ATP6V1C2: variants seen among roughly 807,000 people sequenced by gnomAD.
The protein encoded by ATP6V1C2 is ATPase H+ transporting V1 subunit C2.
ATP6V1C2 carries 45 observed loss-of-function variants against 56.8 expected under a neutral mutation model. The observed-to-expected ratio is 0.79, with a 90% CI of 0.62 to 1.02. The LOEUF is 1.02. Ranked by LOEUF, ATP6V1C2 falls within the 50% of genes least tolerant of loss-of-function variation. The pLI, the probability that ATP6V1C2 is intolerant of heterozygous loss-of-function variation, is 0.00. For synonymous variants in ATP6V1C2, 220 were observed against 201.3 expected (o/e 1.09, Z -0.79); for missense variants, 463 against 519.7 (o/e 0.89, Z 1.06).
intron 3 of ATP6V1C2, among the ~76,000 whole-genome samples, chr2:10,752,474 G>A (rs1663277356): frequency 6.6e-6 from 1 of 152,196 alleles, no homozygotes; most frequent in Non-Finnish European, 1.5e-5. Context: ...AGGGCGGGGA[G>A]AATGTGGAGA....
chr2:10,782,507 C>T (rs1349370498), intron 13 of ATP6V1C2, 132 bp downstream of exon 13: 2 of 1,037,772 alleles, frequency 1.9e-6, no homozygotes, highest in Non-Finnish European at 2.7e-6. Context: ...TGAGACCAGC[C>T]TAGCCAACAT....
chr2:10,738,992 C>T (rs1308343434), intron 3 of ATP6V1C2, among the ~76,000 whole-genome samples: 2 of 152,200 alleles, frequency 1.3e-5, no homozygotes. Flanking sequence ...CAGTTGTCTC[C>T]CGTTTCCCTT....
intron 3 of ATP6V1C2, among the ~76,000 whole-genome samples, chr2:10,727,290 G>A (rs901734268): frequency 7.9e-5 from 12 of 151,316 alleles, no homozygotes; most frequent in African/African-American, 2.7e-4. Flanking sequence ...GGCTAGTTTC[G>A]AAGTCCTGAC....
Position 10,778,596 on chromosome 2 carries a change from G to A in ATP6V1C2, c.988G>A (p.Val330Met), listed in dbSNP as rs150788290. The change falls in exon 12 of 14, where the codon GTG becomes ATG. Residue 330 changes from valine (V) to methionine (M), a missense_variant. Coordinates refer to ENST00000272238, the MANE Select transcript of ATP6V1C2 (RefSeq NM_001039362.2). Reference protein sequence around the residue: ...GEGPLLRWLKVNFSEAFIAWI... With the variant: ...GEGPLLRWLKMNFSEAFIAWI... ...GGGCCCCCTGCTGCGCTGGCTCAAG[G>A]TGAACTTCAGTGAAGCCTTCATTGC... 566 of 1,614,214 alleles carry A rather than the reference G, an allele frequency of 3.5e-4. No individual in the cohort carries two copies. In the African/African-American group the frequency reaches 5.7e-3, roughly 16 times the overall value.
intron 3 of ATP6V1C2, among the ~76,000 whole-genome samples, chr2:10,739,461 G>C (rs1662430181): frequency 6.6e-6 from 1 of 151,740 alleles, no homozygotes; most frequent in Non-Finnish European, 1.5e-5. Flanking sequence ...TGACTAGCTG[G>C]TCAGGCCCCA....
intron 10 of ATP6V1C2, among the ~76,000 whole-genome samples, chr2:10,775,984 C>T (rs1007577765): frequency 1.3e-5 from 2 of 152,108 alleles, no homozygotes; most frequent in South Asian, 2.1e-4. Context: ...GCGCCGTGGC[C>T]GCGGGCAGGC....
Position 10,754,006 on chromosome 2 carries a change from G to A in ATP6V1C2, c.223G>A (p.Val75Met), listed in dbSNP as rs139030826. 8.6e-4 allele frequency: 1,377 copies of A among 1,607,888 alleles called. 8 individuals carry two copies. The African/African-American group carries it at 0.01, about 12-fold the overall frequency. ...CCTCATAAGGAGAATGGCTCAGAGC[G>A]TGGTGGAAGTCATGGAGGACTCAAA... is the stretch of plus-strand genomic sequence containing the variant. ...ESLIRRMAQS[V>M]VEVMEDSKGK... Residue 75 changes from valine to methionine, a missense_variant, in exon 4 of 14, where the codon GTG becomes ATG. Physicochemically the swap from Val to Met is conservative, Grantham distance 21. Coordinates refer to ENST00000272238, the MANE Select transcript of ATP6V1C2 (RefSeq NM_001039362.2).
chr2:10,784,630 T>C lies in ATP6V1C2; in HGVS notation c.*1367T>C, dbSNP rs971615744. On this transcript the variant is annotated 3_prime_UTR_variant, in exon 14 of 14. Coordinates refer to ENST00000272238, the MANE Select transcript of ATP6V1C2 (RefSeq NM_001039362.2). Reference sequence around the variant, plus strand: ...ATAAGTGCTAATTTCAAAGCTATCATTTTCTATTTTTCTAAGATAAAGTAA... The same window carrying C: ...ATAAGTGCTAATTTCAAAGCTATCACTTTCTATTTTTCTAAGATAAAGTAA... 4 of 499,370 alleles carry C rather than the reference T, an allele frequency of 8.0e-6. No individual in the cohort carries two copies. Among genetic ancestry groups the C allele is most frequent in the Non-Finnish European group, 1.1e-5 (3 of 285,134 alleles). The allele number at this position is 499,370 out of a possible 1,614,324, so 30.9% of individuals were successfully genotyped here. A position where few individuals can be genotyped will look rare whatever the true frequency, so the allele number is the denominator to read the frequency against.
In ATP6V1C2 at chr2:10,762,145, A is replaced by ATT. The variant is rs569224455; in HGVS notation, c.284-2169_284-2168dup. Among the ~76,000 whole-genome samples the ATT allele has an allele frequency of 9.5e-3, 1,329 of 139,750 alleles. 15 individuals are homozygous for ATT. Among genetic ancestry groups the ATT allele is most frequent in the Non-Finnish European group, 0.014 (884 of 64,402 alleles). The allele number at this position is 139,750 out of a possible 152,430, so 91.7% of individuals were successfully genotyped here. A position where few individuals can be genotyped will look rare whatever the true frequency, so the allele number is the denominator to read the frequency against. On this transcript the variant is annotated intron_variant, in intron 4 of 13. Transcript: ENST00000272238. ...GGGTTTTAATGGGGTTGAAGCATAAATTTTTTTTTTTTTTTTTTGAGATGG... is the reference window on the plus strand; with the variant it reads ...GGGTTTTAATGGGGTTGAAGCATAAATTTTTTTTTTTTTTTTTTTTGAGATGG...
chr2:10,724,011 C>T (rs551731454), intron 2 of ATP6V1C2, among the ~76,000 whole-genome samples: 4 of 151,956 alleles, frequency 2.6e-5, no homozygotes, highest in African/African-American at 9.6e-5. Context: ...ATCCACCTGC[C>T]TCGGCCTCCC....
chr2:10,765,782 A>G (rs572415796), intron 5 of ATP6V1C2, among the ~76,000 whole-genome samples: 2 of 152,234 alleles, frequency 1.3e-5, no homozygotes, highest in South Asian at 2.1e-4. Flanking sequence ...TCCCTGCCTC[A>G]CCATGTGCCA....
rs1378941574 is a variant in ATP6V1C2, at chr2:10,763,935, A to G, written c.284-396A>G. The stretch of plus-strand genomic sequence containing the variant: ...TCCTGAAGGCAGTGGGTTTTGGGGA[A>G]AGAAAAGAAAAAAAGGAAATGCTTG... On this transcript the variant is annotated intron_variant, in intron 4 of 13. Coordinates refer to ENST00000272238, the MANE Select transcript of ATP6V1C2 (RefSeq NM_001039362.2). The surrounding 1 kb of genome is among the most constrained non-coding windows in gnomAD (Gnocchi z 4.2). 6.6e-6 allele frequency among the ~76,000 whole-genome samples: 1 copy of G among 152,194 alleles called. No homozygotes were observed. Among genetic ancestry groups the G allele is most frequent in the Non-Finnish European group, 1.5e-5 (1 of 68,038 alleles).
Position 10,784,682 on chromosome 2 carries a change from T to G in ATP6V1C2, c.*1419T>G, listed in dbSNP as rs1665619797. The G allele has an allele frequency of 1.9e-6, 1 of 532,936 alleles. No individual in the cohort carries two copies. Among genetic ancestry groups the G allele is most frequent in the African/African-American group, 1.9e-5 (1 of 52,460 alleles). The allele number at this position is 532,936 out of a possible 1,614,324, so 33.0% of individuals were successfully genotyped here. On this transcript the variant is annotated 3_prime_UTR_variant, in exon 14 of 14. Transcript: ENST00000272238. ...TGAATTCCAGGTTAAATGTTCACTT[T>G]AAGGTAATAATCAGGAAAGCAACCT...
At chr2:10,753,288 G>A (rs979700716) in intron 3 of ATP6V1C2, among the ~76,000 whole-genome samples, 14 of 152,256 alleles carry the variant, frequency 9.2e-5, no homozygotes, top group Middle Eastern at 3.4e-3. Flanking sequence ...TACACGCCTT[G>A]TTCCACAGTA....
intron 4 of ATP6V1C2, among the ~76,000 whole-genome samples, chr2:10,757,970 C>A (rs1422415888): frequency 6.6e-6 from 1 of 152,200 alleles, no homozygotes; most frequent in Admixed American, 6.5e-5. Context: ...TTTCCCCAAC[C>A]CGCTCAAACT....
chr2:10,734,137 C>T (rs1662126260), intron 3 of ATP6V1C2, among the ~76,000 whole-genome samples: 2 of 152,186 alleles, frequency 1.3e-5, no homozygotes, highest in African/African-American at 4.8e-5. Context: ...ATGCCGCATG[C>T]ATGGTGGGTT....
chr2:10,733,441 G>T (rs1016439692), intron 3 of ATP6V1C2, among the ~76,000 whole-genome samples: 2 of 152,134 alleles, frequency 1.3e-5, no homozygotes, highest in South Asian at 4.1e-4. Context: ...TTTTCAGGGT[G>T]TATTGTTTCA....
At chr2:10,772,416 T>C in intron 7 of ATP6V1C2, 126 bp from the exon 8 acceptor site, 1 of 808,678 alleles carries the variant, frequency 1.2e-6, no homozygotes, top group Non-Finnish European at 2.2e-6. Context: ...AGGTGAGGGC[T>C]CCCTCTGACC....
intron 12 of ATP6V1C2, among the ~76,000 whole-genome samples, chr2:10,779,550 G>A (rs1026431489): frequency 6.6e-6 from 1 of 151,110 alleles, no homozygotes; most frequent in African/African-American, 2.4e-5. Flanking sequence ...GCCGGGTGTG[G>A]TGGCATGGGC....
Sources: allele counts gnomAD v4.1 joint callset (sites outside exome capture counted in the v4.1 genomes callset), GRCh38; gene constraint gnomAD v4.1.1; non-coding constraint Gnocchi (gnomAD v3.1); transcripts MANE v1.5; gene names NCBI Gene and HGNC (gene_info 2026-07-23, HGNC 2026-07-21).